GABRB1: variants seen among roughly 807,000 people sequenced by gnomAD.
GABRB1 encodes the protein gamma-aminobutyric acid type A receptor subunit beta1, also known as gamma-aminobutyric acid receptor subunit beta-1.
GABRB1 carries 17 observed loss-of-function variants against 51.6 expected under a neutral mutation model. The ratio of observed to expected loss-of-function variants is 0.33; its 90% CI spans 0.23 to 0.49. GABRB1 has a LOEUF of 0.49. GABRB1 is among the 20% of genes least tolerant of loss of function. GABRB1 has a pLI of 0.99. For synonymous variants in GABRB1, 247 were observed against 218.9 expected (o/e 1.13, Z -1.14); for missense variants, 410 against 600.6 (o/e 0.68, Z 3.32).
chr4:47,340,095 T>C (rs1725830478), intron 5 of GABRB1, among the ~76,000 whole-genome samples: 1 of 152,148 alleles, frequency 6.6e-6, no homozygotes. Context: ...ACTCAATATA[T>C]TCAAGGTGTT....
intron 4 of GABRB1, among the ~76,000 whole-genome samples, chr4:47,205,904 A>G (rs1280158182): frequency 1.3e-5 from 2 of 152,054 alleles, no homozygotes; most frequent in Non-Finnish European, 2.9e-5. Context: ...CCATTCTCAA[A>G]TATTTTTGTT....
At chr4:47,174,243 T>C (rs906840252) in intron 4 of GABRB1, among the ~76,000 whole-genome samples, 15 of 152,104 alleles carry the variant, frequency 9.9e-5, no homozygotes, top group African/African-American at 3.4e-4. Flanking sequence ...TCATCATTTA[T>C]TTTTTGTTGA....
intron 1 of GABRB1, among the ~76,000 whole-genome samples, chr4:47,016,776 GACAGGGTTTC>G (rs1376401439): frequency 2.6e-5 from 4 of 151,978 alleles, no homozygotes; most frequent in Non-Finnish European, 4.4e-5. Flanking sequence ...TTTTAGTAGA[GACAGGGTTTC>G]ACCTTATGGG....
rs569749202 is a variant in GABRB1 at position 47,042,535 on chromosome 4, T to C, written c.240+10051T>C. On this transcript the variant is annotated intron_variant, in intron 3 of 8. Coordinates refer to ENST00000295454, the MANE Select transcript of GABRB1 (RefSeq NM_000812.4). ...AAAAAATAATCACTACTTTTCATTTTCCAAATATCATCTTACTGGCACATG... is the reference window on the plus strand; with the variant it reads ...AAAAAATAATCACTACTTTTCATTTCCCAAATATCATCTTACTGGCACATG... Among the ~76,000 whole-genome samples, 27 of 150,006 alleles carry C rather than the reference T, an allele frequency of 1.8e-4. No individual in the cohort carries two copies. The South Asian group carries it at 5.7e-3, about 31-fold the overall frequency.
chr4:47,255,530 ATAAG>A (rs1722166040), intron 4 of GABRB1, among the ~76,000 whole-genome samples: 1 of 152,232 alleles, frequency 6.6e-6, no homozygotes, highest in South Asian at 2.1e-4. Context: ...TAGAAGAAGA[ATAAG>A]TAAGGAAGTC....
At chr4:47,389,569 AT>A (rs1727916131) in intron 5 of GABRB1, among the ~76,000 whole-genome samples, 1 of 152,208 alleles carries the variant, frequency 6.6e-6, no homozygotes, top group African/African-American at 2.4e-5. Context: ...GGGTTGTTGC[AT>A]TTTGCCTTTA....
At chr4:47,268,252 A>C (rs1722718130) in intron 4 of GABRB1, among the ~76,000 whole-genome samples, 1 of 152,242 alleles carries the variant, frequency 6.6e-6, no homozygotes, top group Non-Finnish European at 1.5e-5. Context: ...GCTACAACAA[A>C]ATGAAATAGT....
rs911454137 is a variant in GABRB1, at chr4:47,124,660, A to T, written c.241-36589A>T. On this transcript the variant is annotated intron_variant, in intron 3 of 8. Coordinates refer to ENST00000295454, the MANE Select transcript of GABRB1 (RefSeq NM_000812.4). ...ACAAAATTGGAAGTTCAACAAAGAA[A>T]TAGAAATTGCAGAAAAGAACCTAAC... Among the ~76,000 whole-genome samples the T allele has an allele frequency of 3.3e-5, 5 of 152,342 alleles. No individual in the cohort carries two copies. The South Asian group carries it at 1.0e-3, about 32-fold the overall frequency.
At chr4:47,098,189 CAT>C (rs1052190490) in intron 3 of GABRB1, among the ~76,000 whole-genome samples, 15 of 135,402 alleles carry the variant, frequency 1.1e-4, no homozygotes, top group East Asian at 8.6e-4. Flanking sequence ...CACACACACA[CAT>C]GTTTTTCAGT....
intron 1 of GABRB1, among the ~76,000 whole-genome samples, chr4:47,006,803 A>T (rs1724415669): frequency 6.6e-6 from 1 of 152,228 alleles, no homozygotes; most frequent in African/African-American, 2.4e-5. Flanking sequence ...AAATGCTGCA[A>T]TTAAAGATAA....
At chr4:47,350,218 T>TATATATATAGAGAGAGAG (rs750199965) in intron 5 of GABRB1, among the ~76,000 whole-genome samples, 7 of 56,652 alleles carry the variant, frequency 1.2e-4, no homozygotes, top group African/African-American at 5.6e-4. Context: ...TATATATATA[T>TATATATATAGAGAGAGAG]AGAGAGAGAG....
At chr4:47,144,289 G>T (rs574817470) in intron 3 of GABRB1, among the ~76,000 whole-genome samples, 1 of 152,074 alleles carries the variant, frequency 6.6e-6, no homozygotes, top group South Asian at 2.1e-4. Flanking sequence ...TAAAACAAGA[G>T]AAATTTATTC....
At chr4:47,041,621 C>T (rs1277682157) in intron 3 of GABRB1, among the ~76,000 whole-genome samples, 1 of 152,096 alleles carries the variant, frequency 6.6e-6, no homozygotes, top group African/African-American at 2.4e-5. Flanking sequence ...TCCCTGAAAA[C>T]AGAGAAACAG....
intron 5 of GABRB1, among the ~76,000 whole-genome samples, chr4:47,396,729 C>A (rs1224421426): frequency 6.6e-6 from 1 of 152,136 alleles, no homozygotes; most frequent in African/African-American, 2.4e-5. Context: ...TACATTAATA[C>A]TTTCGATAGC....
chr4:47,341,271 C>T (rs1195134512), intron 5 of GABRB1, among the ~76,000 whole-genome samples: 6 of 152,098 alleles, frequency 3.9e-5, no homozygotes, highest in Non-Finnish European at 2.9e-5. Context: ...AAAAGCAATC[C>T]GAAATACCCA....
At chr4:47,044,313 A>C (rs534977982) in intron 3 of GABRB1, among the ~76,000 whole-genome samples, 1 of 152,128 alleles carries the variant, frequency 6.6e-6, no homozygotes, top group East Asian at 1.9e-4. Flanking sequence ...ACAATCTTTT[A>C]AGTCCAGACA....
chr4:47,092,736 C>T (rs191020274), intron 3 of GABRB1, among the ~76,000 whole-genome samples: 7 of 151,868 alleles, frequency 4.6e-5, no homozygotes, highest in Admixed American at 2.0e-4. Flanking sequence ...CTCAGCCTCC[C>T]GAGTGGCTGG....
chr4:47,246,203 A>G (rs1721731850), intron 4 of GABRB1, among the ~76,000 whole-genome samples: 1 of 145,986 alleles, frequency 6.8e-6, no homozygotes, highest in Admixed American at 7.0e-5. Flanking sequence ...AGTTAGAATA[A>G]TACTCTCCAA....
At chr4:47,286,904 A>G (rs1723532123) in intron 4 of GABRB1, among the ~76,000 whole-genome samples, 1 of 152,190 alleles carries the variant, frequency 6.6e-6, no homozygotes, top group Non-Finnish European at 1.5e-5. Context: ...AAACATGGCC[A>G]CCCATTAGCA....
Sources: gnomAD v4.1 joint callset for allele counts (sites outside exome capture counted in the v4.1 genomes callset) on GRCh38, gnomAD v4.1.1 for gene constraint, MANE v1.5 for transcripts, NCBI Gene and HGNC (gene_info 2026-07-23, HGNC 2026-07-21) for gene names.